Variants in CLSTN1 observed in about 807,000 individuals in gnomAD.
CLSTN1 encodes the protein calsyntenin 1, also known as calsyntenin-1.
CLSTN1 carries 28 observed loss-of-function variants against 108.3 expected under a neutral mutation model. That is an observed-to-expected ratio of 0.26 (90% CI 0.19 to 0.35). CLSTN1 has a LOEUF of 0.35. Ranked by LOEUF, CLSTN1 falls within the 10% of genes least tolerant of loss-of-function variation. The pLI is 1.00. For missense variants in CLSTN1, 1,157 were observed against 1,302.6 expected (o/e 0.89, Z 1.72); for synonymous variants, 524 against 534.9 (o/e 0.98, Z 0.28).
At chr1:9,820,030 C>CTT (rs879705237) in intron 1 of CLSTN1, among the ~76,000 whole-genome samples, 7 of 142,224 alleles carry the variant, frequency 4.9e-5, no homozygotes, top group South Asian at 2.3e-4. Flanking sequence ...GATCCTTGAA[C>CTT]TTTTTTTTTT....
intron 1 of CLSTN1, among the ~76,000 whole-genome samples, chr1:9,790,122 T>C (rs1339486501): frequency 6.6e-6 from 1 of 151,528 alleles, no homozygotes; most frequent in Non-Finnish European, 1.5e-5. Context: ...CTCAAGACTT[T>C]TCTCGCTCTG....
chr1:9,816,732 C>T (rs1254776951), intron 1 of CLSTN1, among the ~76,000 whole-genome samples: 1 of 152,062 alleles, frequency 6.6e-6, no homozygotes, highest in African/African-American at 2.4e-5. Context: ...CTGCAACCTC[C>T]GCCCCCTGGG....
rs74965185 is a variant in CLSTN1, at chr1:9,789,300, C to T, written c.92-15906G>A. 4.3e-3 allele frequency among the ~76,000 whole-genome samples: 658 copies of T among 151,530 alleles called. 41 individuals carry two copies. In the East Asian group the frequency reaches 0.046, roughly 11 times the overall value. On this transcript the variant is annotated intron_variant, in intron 1 of 18. Coordinates refer to ENST00000377298, the MANE Select transcript of CLSTN1 (RefSeq NM_001009566.3). ...GTGACTGCACCATTTTCCATTCCCA[C>T]CAACCGTGCACAAGGGCCCCGATTT... is the stretch of plus-strand genomic sequence containing the variant.
chr1:9,743,406 T>C (rs1360702886), intron 9 of CLSTN1, among the ~76,000 whole-genome samples: 1 of 152,154 alleles, frequency 6.6e-6, no homozygotes, highest in African/African-American at 2.4e-5. Context: ...TCATCTCTAC[T>C]AGAAATACAA....
At chr1:9,782,990 G>C (rs994585418) in intron 1 of CLSTN1, among the ~76,000 whole-genome samples, 15 of 151,790 alleles carry the variant, frequency 9.9e-5, no homozygotes, top group African/African-American at 3.6e-4. Context: ...CTGGGTGACA[G>C]AGCGAGACTC....
At chr1:9,781,504 C>T (rs1653246088) in intron 1 of CLSTN1, among the ~76,000 whole-genome samples, 1 of 150,640 alleles carries the variant, frequency 6.6e-6, no homozygotes, top group East Asian at 2.0e-4. Flanking sequence ...AGTGTAGTGG[C>T]GTGATCTCGG....
Position 9,744,294 on chromosome 1 carries a change from C to T in CLSTN1, c.1234+101G>A, listed in dbSNP as rs561814468. 460 of 1,486,172 alleles carry T rather than the reference C, an allele frequency of 3.1e-4. 2 individuals carry two copies. Among genetic ancestry groups the T allele is most frequent in the South Asian group, 1.1e-3 (85 of 77,312 alleles). 92.1% of individuals were successfully genotyped at this position (1,486,172 alleles called of 1,614,324 possible). A position where few individuals can be genotyped will look rare whatever the true frequency, so the allele number is the denominator to read the frequency against. Reference sequence around the variant, plus strand: ...AGCATGGCACATGGCCTACGAGCACCAGGCTGGCAGGGGACCCTGGGAAAG... The same window carrying T: ...AGCATGGCACATGGCCTACGAGCACTAGGCTGGCAGGGGACCCTGGGAAAG... On this transcript the variant is annotated intron_variant, in intron 8 of 18. Transcript: ENST00000377298.
chr1:9,755,570 A>G (rs945279238), intron 3 of CLSTN1, among the ~76,000 whole-genome samples: 1 of 152,178 alleles, frequency 6.6e-6, no homozygotes, highest in Admixed American at 6.5e-5. Flanking sequence ...CAAAAGAGAG[A>G]GAGAAGAAAA....
intron 2 of CLSTN1, among the ~76,000 whole-genome samples, chr1:9,771,752 CA>C (rs1351022806): frequency 1.3e-5 from 2 of 152,160 alleles, no homozygotes; most frequent in South Asian, 2.1e-4. Flanking sequence ...AATAAACACA[CA>C]AAACAACTTG....
intron 1 of CLSTN1, among the ~76,000 whole-genome samples, chr1:9,807,114 C>A (rs1408567719): frequency 2.6e-5 from 4 of 151,992 alleles, no homozygotes; most frequent in Non-Finnish European, 4.4e-5. Context: ...GGTTTTACCC[C>A]CGGCTCAGCA....
At chr1:9,741,400 C>T (rs918036090) in intron 9 of CLSTN1, 144 bp from the exon 10 acceptor site, 2 of 776,020 alleles carry the variant, frequency 2.6e-6, no homozygotes, top group South Asian at 1.9e-5. Context: ...TCTGCAAATA[C>T]ATCTCACCAA....
chr1:9,777,077 G>A (rs565260298), intron 1 of CLSTN1, among the ~76,000 whole-genome samples: 8 of 151,854 alleles, frequency 5.3e-5, no homozygotes, highest in Admixed American at 1.3e-4. Flanking sequence ...AAAATTAGCC[G>A]GGTGTGGTGA....
intron 1 of CLSTN1, among the ~76,000 whole-genome samples, chr1:9,813,326 T>C (rs1484195530): frequency 6.6e-6 from 1 of 151,826 alleles, no homozygotes; most frequent in Non-Finnish European, 1.5e-5. Context: ...GGTGAAACCC[T>C]GTCGCTACTA....
rs1180558461 is a variant in CLSTN1, at chr1:9,797,970, T to C, written c.92-24576A>G. Among the ~76,000 whole-genome samples, 5 of 151,926 alleles carry C rather than the reference T, an allele frequency of 3.3e-5. No individual in the cohort carries two copies. In the Middle Eastern group the frequency reaches 0.014, roughly 413 times the overall value. On this transcript the variant is annotated intron_variant, in intron 1 of 18. Coordinates refer to ENST00000377298, the MANE Select transcript of CLSTN1 (RefSeq NM_001009566.3). ...TTAGCCAGGCGTGGGGGTACATGCC[T>C]GTAATCCCAGCTACTCGGGAGGCTG...
At chr1:9,811,454 G>A (rs1233931396) in intron 1 of CLSTN1, among the ~76,000 whole-genome samples, 1 of 152,048 alleles carries the variant, frequency 6.6e-6, no homozygotes, top group Admixed American at 6.6e-5. Flanking sequence ...GGTATCAATG[G>A]ATATTTACAG....
Position 9,744,588 on chromosome 1 carries a change from C to A in CLSTN1, c.1041G>T (p.Trp347Cys). The change falls in exon 8 of 19, where the codon TGG becomes TGT. Residue 347 changes from tryptophan to cysteine, a missense_variant. By Grantham distance (215) the Trp-to-Cys change is radical. Transcript: ENST00000377298. Reference sequence around the variant, plus strand: ...CATTGTCGGTGGGCAGGCCCATGGTCCAGTTGAGGGATCCACTCGGGGATG... The same window carrying A: ...CATTGTCGGTGGGCAGGCCCATGGTACAGTTGAGGGATCCACTCGGGGATG... ...LLPSPSGSLN[W>C]TMGLPTDNGH... The A allele has an allele frequency of 6.2e-7, 1 of 1,613,478 alleles. No individual in the cohort carries two copies. Among genetic ancestry groups the A allele is most frequent in the Non-Finnish European group, 8.5e-7 (1 of 1,179,972 alleles).
chr1:9,775,978 T>G (rs531740485), intron 1 of CLSTN1, among the ~76,000 whole-genome samples: 3 of 141,634 alleles, frequency 2.1e-5, no homozygotes, highest in Non-Finnish European at 4.6e-5. Flanking sequence ...CCTCCTCTCT[T>G]TTTTTTTTTT....
intron 1 of CLSTN1, among the ~76,000 whole-genome samples, chr1:9,808,095 G>A (rs1367268086): frequency 6.6e-6 from 1 of 152,176 alleles, no homozygotes; most frequent in Non-Finnish European, 1.5e-5. Context: ...GTATCCACCA[G>A]GGTAGTGGTT....
intron 1 of CLSTN1, among the ~76,000 whole-genome samples, chr1:9,780,218 G>A (rs1321623367): frequency 6.9e-6 from 1 of 144,192 alleles, no homozygotes; most frequent in African/African-American, 2.8e-5. Flanking sequence ...ATTAATATTC[G>A]ATTCCAATTT....
Sources: allele counts gnomAD v4.1 joint callset (sites outside exome capture counted in the v4.1 genomes callset), GRCh38; gene constraint gnomAD v4.1.1; transcripts MANE v1.5; gene names NCBI Gene and HGNC (gene_info 2026-07-23, HGNC 2026-07-21).